ANKRD18A: variants seen among roughly 807,000 people sequenced by gnomAD.
ANKRD18A encodes ankyrin repeat domain-containing protein 18A.
Under a neutral mutation model 110.6 loss-of-function variants are expected in ANKRD18A, and 72 were observed. That is an observed-to-expected ratio of 0.65 (90% CI 0.54 to 0.79). ANKRD18A has a LOEUF of 0.79. ANKRD18A is among the 30% of genes least tolerant of loss of function. ANKRD18A has a pLI of 0.00. For missense variants in ANKRD18A, 934 were observed against 1,163.3 expected (o/e 0.80, Z 2.87); for synonymous variants, 305 against 410.3 (o/e 0.74, Z 3.10).
chr9:38,599,168 A>G (rs1432270403), intron 8 of ANKRD18A, among the ~76,000 whole-genome samples: 2 of 152,196 alleles, frequency 1.3e-5, no homozygotes, highest in African/African-American at 2.4e-5. Flanking sequence ...TTTCATTTGA[A>G]TAAAGCTTAG....
chr9:38,619,788 T>G (rs114227892), intron 1 of ANKRD18A, among the ~76,000 whole-genome samples: 2,360 of 152,284 alleles, frequency 0.015, 49 homozygotes, highest in African/African-American at 0.05. Flanking sequence ...TGAAAAAGGC[T>G]CATGGTATTT....
chr9:38,590,412 C>T (rs1478524814), intron 10 of ANKRD18A, among the ~76,000 whole-genome samples: 1 of 151,904 alleles, frequency 6.6e-6, no homozygotes, highest in African/African-American at 2.4e-5. Flanking sequence ...TGCACACCAC[C>T]AGCTAATTTT....
intron 8 of ANKRD18A, among the ~76,000 whole-genome samples, chr9:38,598,834 G>A (rs118107194): frequency 1.3e-4 from 20 of 152,308 alleles, no homozygotes; most frequent in Admixed American, 1.2e-3. Context: ...CTTCATAAGT[G>A]TCTGCAATAG....
intron 6 of ANKRD18A, among the ~76,000 whole-genome samples, chr9:38,603,902 A>T (rs562071467): frequency 2.0e-5 from 3 of 152,198 alleles, no homozygotes; most frequent in Non-Finnish European, 4.4e-5. Flanking sequence ...ACCCCTCCTC[A>T]TCTTCAAAAC....
chr9:38,587,607 A>T (rs1219841791), intron 11 of ANKRD18A, among the ~76,000 whole-genome samples: 1 of 151,694 alleles, frequency 6.6e-6, no homozygotes, highest in Non-Finnish European at 1.5e-5. Flanking sequence ...GCTATATATC[A>T]AGATAAATTT....
chr9:38,593,982 A>T (rs891782237), intron 9 of ANKRD18A, 73 bp from the exon 10 acceptor site: 1 of 1,339,862 alleles, frequency 7.5e-7, no homozygotes, highest in African/African-American at 1.5e-5. Context: ...TAAGTCTAGC[A>T]TACATACTTT....
chr9:38,617,990 T>G (rs1237580373), intron 1 of ANKRD18A, among the ~76,000 whole-genome samples: 2 of 152,162 alleles, frequency 1.3e-5, no homozygotes, highest in African/African-American at 4.8e-5. Flanking sequence ...TGCCTATATG[T>G]AATGAATCTA....
chr9:38,615,515 T>G, intron 3 of ANKRD18A, 79 bp downstream of exon 3: 2 of 1,444,026 alleles, frequency 1.4e-6, no homozygotes, highest in Non-Finnish European at 1.8e-6. Flanking sequence ...AATACTTGAG[T>G]TCCAAATATG....
downstream of ANKRD18A, among the ~76,000 whole-genome samples, chr9:38,570,535 C>T (rs1295543112): frequency 2.0e-5 from 3 of 152,230 alleles, no homozygotes; most frequent in Non-Finnish European, 4.4e-5. Context: ...ACAAGATACC[C>T]ACTGGGTGAG....
chr9:38,590,436 GA>G (rs1824596553), intron 10 of ANKRD18A, among the ~76,000 whole-genome samples: 1 of 151,954 alleles, frequency 6.6e-6, no homozygotes, highest in South Asian at 2.1e-4. Context: ...ATTTTTAGTA[GA>G]GACAGGGTTT....
chr9:38,596,013 C>A lies in ANKRD18A; in HGVS notation c.1327G>T (p.Glu443Ter), dbSNP rs1244474801. The change falls in exon 9 of 16, where the codon GAA (glutamate) becomes TAA (stop). Residue 443 changes from glutamate to a stop codon, truncating the protein, a stop_gained. Coordinates refer to ENST00000399703, the MANE Select transcript of ANKRD18A (RefSeq NM_147195.4). LOFTEE classifies it high-confidence loss of function. The stretch of plus-strand genomic sequence containing the variant: ...TCATCTGCTCTCCATAAAACTAGTT[C>A]TAGGTCTTTTCTTTCCACAATTTCA... Reference protein sequence around the residue: ...YNEIVERKDLELVLWRADDVS... With the variant: ...YNEIVERKDL The A allele has an allele frequency of 3.2e-6, 5 of 1,549,878 alleles. No homozygotes were observed. The highest frequency in any genetic ancestry group is 4.4e-6 in the Non-Finnish European group (5 of 1,146,270).
chr9:38,612,816 C>T (rs149830018), intron 3 of ANKRD18A, among the ~76,000 whole-genome samples: 1,820 of 151,516 alleles, frequency 0.012, 36 homozygotes, highest in African/African-American at 0.04. Flanking sequence ...TGCACCCGGC[C>T]GTCACTTGCA....
downstream of ANKRD18A, chr9:38,569,458 C>T: frequency 7.2e-6 from 7 of 976,680 alleles, no homozygotes; most frequent in Non-Finnish European, 8.5e-6. Flanking sequence ...AACAATCCTT[C>T]ATGCAGAGCC....
intron 8 of ANKRD18A, among the ~76,000 whole-genome samples, chr9:38,598,390 G>T (rs541018339): frequency 6.6e-6 from 1 of 152,162 alleles, no homozygotes; most frequent in African/African-American, 2.4e-5. Context: ...TTAGATAGCA[G>T]CACTAATCTA....
intron 13 of ANKRD18A, among the ~76,000 whole-genome samples, 175 bp from the exon 14 acceptor site, chr9:38,577,439 T>C (rs1823943704): frequency 6.6e-6 from 1 of 152,194 alleles, no homozygotes; most frequent in Non-Finnish European, 1.5e-5. Context: ...GAATTCAGAA[T>C]TGTCTGATTT....
At chr9:38,588,139 A>G (rs1824464197) in intron 11 of ANKRD18A, among the ~76,000 whole-genome samples, 1 of 152,098 alleles carries the variant, frequency 6.6e-6, no homozygotes, top group Non-Finnish European at 1.5e-5. Flanking sequence ...TTGGCATTCA[A>G]AAAAATTTCA....
chr9:38,612,529 T>G (rs1390709966), intron 3 of ANKRD18A, among the ~76,000 whole-genome samples: 2 of 150,400 alleles, frequency 1.3e-5, no homozygotes, highest in South Asian at 2.1e-4. Flanking sequence ...TTCTTTTTTT[T>G]TTTTTGGAAA....
At chr9:38,592,316 T>C (rs1276246384) in intron 10 of ANKRD18A, among the ~76,000 whole-genome samples, 1 of 152,238 alleles carries the variant, frequency 6.6e-6, no homozygotes, top group Non-Finnish European at 1.5e-5. Context: ...TATTTTCCCT[T>C]TAAGCAAATT....
intron 4 of ANKRD18A, among the ~76,000 whole-genome samples, 190 bp downstream of exon 4, chr9:38,611,025 C>T (rs1825598126): frequency 6.6e-6 from 1 of 152,048 alleles, no homozygotes; most frequent in Non-Finnish European, 1.5e-5. Flanking sequence ...ATGAATCCTA[C>T]TATATACTGT....
Sources: allele counts gnomAD v4.1 joint callset (sites outside exome capture counted in the v4.1 genomes callset), GRCh38; gene constraint gnomAD v4.1.1; transcripts MANE v1.5; gene names NCBI Gene and HGNC (gene_info 2026-07-23, HGNC 2026-07-21).